Variants in EFEMP1 observed in about 807,000 individuals in gnomAD.
EFEMP1 encodes the protein EGF-containing fibulin-like extracellular matrix protein 1.
Under a neutral mutation model 65.7 loss-of-function variants are expected in EFEMP1, and 18 were observed. The observed-to-expected ratio is 0.27, with a 90% CI of 0.19 to 0.41. EFEMP1 has a LOEUF of 0.41. Among genes scored for constraint, EFEMP1 ranks in the 10% least tolerant of loss-of-function variants. The pLI is 1.00. For synonymous variants in EFEMP1, 237 were observed against 219.7 expected (o/e 1.08, Z -0.70); for missense variants, 469 against 624.8 (o/e 0.75, Z 2.66).
intron 5 of EFEMP1, among the ~76,000 whole-genome samples, chr2:55,892,902 C>T (rs1255829001): frequency 6.6e-6 from 1 of 152,150 alleles, no homozygotes; most frequent in Non-Finnish European, 1.5e-5. Flanking sequence ...GTATGGAGCA[C>T]ATCCACGGAG....
chr2:55,911,803 T>C (rs1670491382), intron 5 of EFEMP1, among the ~76,000 whole-genome samples: 1 of 152,186 alleles, frequency 6.6e-6, no homozygotes, highest in South Asian at 2.1e-4. Flanking sequence ...CATTCAATTT[T>C]TATGAAGCAA....
chr2:55,869,567 T>C (rs1375648379), intron 11 of EFEMP1, among the ~76,000 whole-genome samples: 3 of 152,140 alleles, frequency 2.0e-5, no homozygotes, highest in Admixed American at 1.3e-4. Flanking sequence ...ATCACATAAC[T>C]CTGGAGCTAT....
intron 5 of EFEMP1, among the ~76,000 whole-genome samples, chr2:55,912,668 T>G (rs1018766736): frequency 6.6e-6 from 1 of 152,212 alleles, no homozygotes; most frequent in Non-Finnish European, 1.5e-5. Context: ...ATTTGTTCCT[T>G]TAGACTTTAC....
chr2:55,874,971 T>C lies in EFEMP1; in HGVS notation c.975A>G (p.Gln325=), dbSNP rs965470528. ...KFSCMCPQGY[Q]VVRSRTCQDI... ...CTTGACATGTTCTACTTCTCACCAC[T>C]TGGTATCCCTGGGGGCACATACATG... Residue 325 remains glutamine (Q), a synonymous_variant, in exon 9 of 12, where the codon CAA becomes CAG. Transcript: ENST00000355426. The C allele has an allele frequency of 6.2e-7, 1 of 1,607,314 alleles. No individual in the cohort carries two copies. Among genetic ancestry groups the C allele is most frequent in the African/African-American group, 1.3e-5 (1 of 74,644 alleles).
At chr2:55,915,742 A>G (rs1047974366) in intron 5 of EFEMP1, among the ~76,000 whole-genome samples, 4 of 152,192 alleles carry the variant, frequency 2.6e-5, no homozygotes, top group Admixed American at 6.5e-5. Flanking sequence ...TTTGGGAAAA[A>G]TACTACCAAA....
chr2:55,917,264 T>G lies in EFEMP1; in HGVS notation c.517+401A>C, dbSNP rs924263521. ...CTGGGTTGGAAGGTCAGCTCTGCAC[T>G]TAGCACCTGTGTGACCTCTGGTTCT... On this transcript the variant is annotated intron_variant, in intron 5 of 11. Transcript: ENST00000355426. The surrounding 1 kb of genome is among the most constrained non-coding windows in gnomAD (Gnocchi z 6.3). Among the ~76,000 whole-genome samples the G allele has an allele frequency of 1.3e-5, 2 of 152,172 alleles. No individual in the cohort carries two copies. The highest frequency in any genetic ancestry group is 4.8e-5 in the African/African-American group (2 of 41,436).
intron 8 of EFEMP1, among the ~76,000 whole-genome samples, chr2:55,875,305 A>G (rs1454770955): frequency 4.1e-5 from 6 of 147,084 alleles, no homozygotes; most frequent in Non-Finnish European, 1.5e-5. Context: ...TGACTTGGGC[A>G]CATTTCTTAA....
At chr2:55,881,367 A>G (rs980104969) in intron 6 of EFEMP1, among the ~76,000 whole-genome samples, 4 of 152,194 alleles carry the variant, frequency 2.6e-5, no homozygotes, top group African/African-American at 4.8e-5. Context: ...TTATTGTCCC[A>G]TTCATACCCC....
intron 7 of EFEMP1, 144 bp from the exon 8 acceptor site, chr2:55,876,886 C>T (rs1235449654): frequency 1.0e-5 from 4 of 383,790 alleles, no homozygotes; most frequent in Non-Finnish European, 1.7e-5. Flanking sequence ...ATTATTTGCC[C>T]TGCAGAAGCT....
At chr2:55,918,521 A>C (rs1363867407) in intron 3 of EFEMP1, among the ~76,000 whole-genome samples, 2 of 151,812 alleles carry the variant, frequency 1.3e-5, no homozygotes, top group African/African-American at 2.4e-5. Context: ...ACAGTTGCCC[A>C]GTACCATCTT....
At chr2:55,905,986 A>G (rs1221517972) in intron 5 of EFEMP1, among the ~76,000 whole-genome samples, 2 of 152,236 alleles carry the variant, frequency 1.3e-5, no homozygotes, top group Non-Finnish European at 2.9e-5. Context: ...TTTTCAGTTT[A>G]CTTAGAGTTG....
intron 5 of EFEMP1, among the ~76,000 whole-genome samples, chr2:55,899,868 G>A (rs1280332489): frequency 6.6e-6 from 1 of 152,184 alleles, no homozygotes; most frequent in African/African-American, 2.4e-5. Context: ...GTCTTATTCA[G>A]AGAGCATGAA....
intron 5 of EFEMP1, among the ~76,000 whole-genome samples, chr2:55,884,198 A>G (rs1474449920): frequency 5.9e-5 from 9 of 152,194 alleles, no homozygotes; most frequent in Admixed American, 5.2e-4. Context: ...AATTTCTTTG[A>G]CCTATTTTCA....
At position 55,918,011 on chromosome 2, in the gene EFEMP1, A is replaced by G; in HGVS notation, c.171T>C (p.Gly57=). The G allele has an allele frequency of 6.2e-7, 1 of 1,614,230 alleles. No individual in the cohort carries two copies. The highest frequency in any genetic ancestry group is 8.5e-7 in the Non-Finnish European group (1 of 1,180,046). The change falls in exon 5 of 12, where the codon GGT becomes GGC. Residue 57 remains glycine (G), a synonymous_variant. Transcript: ENST00000355426. ...ECDIVPDACK[G]GMKCVNHYGG... ...CATAGTGGTTGACACACTTCATTCC[A>G]CCTTTACAAGCGTCTGGGACAATGT...
At position 55,881,715 on chromosome 2, in the gene EFEMP1, T is replaced by A; in HGVS notation, c.537A>T (p.Ala179=). Residue 179 remains alanine, a synonymous_variant, in exon 6 of 12, where the codon GCA becomes GCT. Coordinates refer to ENST00000355426, the MANE Select transcript of EFEMP1 (RefSeq NM_001039348.3). ...GGTCTGCTCTACAGTTGTGCGTCCC[T>A]GCAGTGCACTCGTCTATGTCTGTCA... ...NVCQDIDECT[A]GTHNCRADQV... is the part of the protein sequence containing the mutation. The A allele has an allele frequency of 6.2e-7, 1 of 1,613,944 alleles. No homozygotes were observed. The highest frequency in any genetic ancestry group is 8.5e-7 in the Non-Finnish European group (1 of 1,179,876).
In EFEMP1 at chr2:55,866,946, T is replaced by C; in HGVS notation, c.*127A>G. ...CACTTTATACCATGGTGTAATTGTT[T>C]GAATTATGGGTGAGTGTACAGTATA... On this transcript the variant is annotated 3_prime_UTR_variant, in exon 12 of 12. Transcript: ENST00000355426. 8.1e-7 allele frequency: 1 copy of C among 1,238,754 alleles called. No individual in the cohort carries two copies. The highest frequency in any genetic ancestry group is 1.2e-6 in the Non-Finnish European group (1 of 865,826). 76.7% of individuals were successfully genotyped at this position (1,238,754 alleles called of 1,614,324 possible).
intron 5 of EFEMP1, among the ~76,000 whole-genome samples, chr2:55,887,446 T>C (rs1669463923): frequency 6.6e-6 from 1 of 152,180 alleles, no homozygotes; most frequent in Non-Finnish European, 1.5e-5. Context: ...CCCCAGTTTT[T>C]AGCCAATTAT....
rs1478514597 is a variant in EFEMP1, at chr2:55,883,157, T to C, written c.518-1423A>G. Among the ~76,000 whole-genome samples the C allele has an allele frequency of 6.6e-6, 1 of 152,206 alleles. No homozygotes were observed. Among genetic ancestry groups the C allele is most frequent in the Non-Finnish European group, 1.5e-5 (1 of 68,040 alleles). On this transcript the variant is annotated intron_variant, in intron 5 of 11. Transcript: ENST00000355426. This position sits in a 1 kb window ranked among gnomAD's most constrained non-coding sequence, Gnocchi z 4.5. ...AGATGAAAAATACTTGAGTGATGTA[T>C]GGCTATTTATTGGATAATAATCTAT...
At chr2:55,887,430 T>C (rs535425210) in intron 5 of EFEMP1, among the ~76,000 whole-genome samples, 35 of 152,334 alleles carry the variant, frequency 2.3e-4, no homozygotes, top group African/African-American at 8.2e-4. Context: ...AGTTTTCTGT[T>C]TCCCTCCCCA....
Sources: gnomAD v4.1 joint callset for allele counts (sites outside exome capture counted in the v4.1 genomes callset) on GRCh38, gnomAD v4.1.1 for gene constraint, Gnocchi (gnomAD v3.1) non-coding constraint, MANE v1.5 for transcripts, NCBI Gene and HGNC (gene_info 2026-07-23, HGNC 2026-07-21) for gene names.